The following TFPI variants were observed in gnomAD, a reference collection of about 807,000 sequenced individuals.
TFPI encodes the protein tissue factor pathway inhibitor, also known as anti-convertin.
In TFPI, 15 loss-of-function variants were observed where a neutral mutation model predicts 34.6. The observed-to-expected ratio is 0.43, with a 90% confidence interval of 0.29 to 0.67. The LOEUF (loss-of-function observed/expected upper bound fraction) is 0.67. Ranked by LOEUF, TFPI falls within the 30% of genes least tolerant of loss-of-function variation. The pLI is 0.15. For synonymous variants in TFPI, 105 were observed against 120.1 expected (o/e 0.87, Z 0.82); for missense variants, 301 against 364.0 (o/e 0.83, Z 1.41).
chr2:187,487,063 T>A (rs1693325064), intron 4 of TFPI, among the ~76,000 whole-genome samples: 1 of 151,618 alleles, frequency 6.6e-6, no homozygotes, highest in Non-Finnish European at 1.5e-5. Context: ...GAATTCTGAA[T>A]TATAAATATA....
At position 187,505,995 on chromosome 2, in the gene TFPI, T is replaced by A. The variant is rs568901806; in HGVS notation, c.-2-2225A>T. Among the ~76,000 whole-genome samples, 213 of 150,096 alleles carry A rather than the reference T, an allele frequency of 1.4e-3. 1 individual carries two copies. Among genetic ancestry groups the A allele is most frequent in the African/African-American group, 4.0e-3 (161 of 40,714 alleles). On this transcript the variant is annotated intron_variant, in intron 1 of 7. Coordinates refer to ENST00000233156, the MANE Select transcript of TFPI (RefSeq NM_006287.6). ...AAATAGTAGCGTATGTAATTTTTTT[T>A]TTAAAAAAAAGAAAAGCAAAAGGCA... is the stretch of plus-strand genomic sequence containing the variant.
intron 1 of TFPI, among the ~76,000 whole-genome samples, chr2:187,511,397 G>T (rs534664469): frequency 1.1e-4 from 17 of 152,220 alleles, no homozygotes; most frequent in Admixed American, 4.6e-4. Context: ...TTTGACTCTG[G>T]TTTGGTGTAA....
At chr2:187,469,636 G>C (rs192525835) in intron 6 of TFPI, among the ~76,000 whole-genome samples, 8 of 152,160 alleles carry the variant, frequency 5.3e-5, no homozygotes, top group Admixed American at 4.6e-4. Context: ...TTATATAACA[G>C]AAATCCCTAA....
intron 2 of TFPI, among the ~76,000 whole-genome samples, chr2:187,502,441 C>T (rs1685913728): frequency 6.6e-6 from 1 of 152,110 alleles, no homozygotes; most frequent in Admixed American, 6.6e-5. Context: ...TTCCTTGTTT[C>T]TGTAACCTCC....
At chr2:187,477,550 T>C (rs1460350585) in intron 6 of TFPI, among the ~76,000 whole-genome samples, 1 of 152,130 alleles carries the variant, frequency 6.6e-6, no homozygotes, top group Non-Finnish European at 1.5e-5. Flanking sequence ...CTTTAGCCGG[T>C]GAGGGAGAGT....
chr2:187,516,446 C>T (rs766848860), intron 1 of TFPI: 1 of 152,116 alleles, frequency 6.6e-6, no homozygotes, highest in Admixed American at 6.6e-5. Context: ...TGTTTGCTAC[C>T]TGTACTCCTT....
At chr2:187,493,592 A>G (rs8176601) in intron 3 of TFPI, among the ~76,000 whole-genome samples, 6,035 of 152,244 alleles carry the variant, frequency 0.04, 177 homozygotes, top group Admixed American at 0.091. Context: ...AATTTTCCAT[A>G]CTTTTATGCT....
chr2:187,495,076 C>T (rs1417908763), intron 3 of TFPI, among the ~76,000 whole-genome samples: 1 of 152,152 alleles, frequency 6.6e-6, no homozygotes. Flanking sequence ...GTTACATTTA[C>T]ATGCTAGCCA....
chr2:187,510,430 A>G (rs1037360167), intron 1 of TFPI, among the ~76,000 whole-genome samples: 3 of 152,106 alleles, frequency 2.0e-5, no homozygotes, highest in Admixed American at 1.3e-4. Context: ...AAAATAAAAA[A>G]CCCTGCCCAC....
At chr2:187,473,071 A>C (rs1692152722) in intron 6 of TFPI, among the ~76,000 whole-genome samples, 1 of 152,186 alleles carries the variant, frequency 6.6e-6, no homozygotes, top group Non-Finnish European at 1.5e-5. Context: ...TATAAGTTTC[A>C]TCATCATTAG....
At chr2:187,473,335 A>T (rs1355561537) in intron 6 of TFPI, among the ~76,000 whole-genome samples, 1 of 152,118 alleles carries the variant, frequency 6.6e-6, no homozygotes, top group Non-Finnish European at 1.5e-5. Context: ...AGATACTTTT[A>T]TGCTGAGCTT....
chr2:187,509,002 T>C (rs939011373), intron 1 of TFPI, among the ~76,000 whole-genome samples: 8 of 152,206 alleles, frequency 5.3e-5, no homozygotes, highest in Admixed American at 5.2e-4. Context: ...ATTTTTAGCA[T>C]GAAGAGGTGT....
At chr2:187,522,225 G>A (rs1311278417) in intron 1 of TFPI, among the ~76,000 whole-genome samples, 2 of 151,982 alleles carry the variant, frequency 1.3e-5, no homozygotes, top group African/African-American at 4.8e-5. Context: ...ATGTAATCTT[G>A]TCTATTTTTG....
At chr2:187,540,646 T>C (rs780610773) in intron 1 of TFPI, among the ~76,000 whole-genome samples, 3 of 151,948 alleles carry the variant, frequency 2.0e-5, no homozygotes, top group African/African-American at 7.2e-5. Context: ...TCCCAACGCT[T>C]TGGGAGGCCA....
rs999995774 is a variant in TFPI, at chr2:187,467,376, C to T, written c.809-334G>A. 4.6e-5 allele frequency among the ~76,000 whole-genome samples: 7 copies of T among 151,906 alleles called. No homozygotes were observed. The South Asian group carries it at 1.5e-3, about 32-fold the overall frequency. Reference sequence around the variant, plus strand: ...GATAGTTTTTATTTGCATTTTTATACTCTTCTTAGTCTTTTATAAACATGC... The same window carrying T: ...GATAGTTTTTATTTGCATTTTTATATTCTTCTTAGTCTTTTATAAACATGC... On this transcript the variant is annotated intron_variant, in intron 7 of 7. Coordinates refer to ENST00000233156, the MANE Select transcript of TFPI (RefSeq NM_006287.6).
chr2:187,539,680 G>A (rs1197282066), intron 1 of TFPI, among the ~76,000 whole-genome samples: 1 of 151,786 alleles, frequency 6.6e-6, no homozygotes, highest in Non-Finnish European at 1.5e-5. Flanking sequence ...TAGAGAGCTA[G>A]AAAAAAAATT....
intron 1 of TFPI, among the ~76,000 whole-genome samples, chr2:187,552,772 AG>A (rs1444490416): frequency 6.6e-6 from 1 of 152,138 alleles, no homozygotes; most frequent in Non-Finnish European, 1.5e-5. Context: ...ATCAAATAGT[AG>A]TATATGTCAT....
At chr2:187,472,462 A>G (rs1692100701) in intron 6 of TFPI, among the ~76,000 whole-genome samples, 1 of 152,172 alleles carries the variant, frequency 6.6e-6, no homozygotes, top group Admixed American at 6.5e-5. Flanking sequence ...TTTTCCACTG[A>G]AACTTTTCAC....
chr2:187,472,375 C>G (rs1019833468), intron 6 of TFPI, among the ~76,000 whole-genome samples: 6 of 152,120 alleles, frequency 3.9e-5, no homozygotes, highest in Admixed American at 1.3e-4. Context: ...GGTTCAGGTG[C>G]TTCCAGAGGA....
Sources: gnomAD v4.1 joint callset for allele counts (sites outside exome capture counted in the v4.1 genomes callset) on GRCh38, gnomAD v4.1.1 for gene constraint, MANE v1.5 for transcripts, NCBI Gene and HGNC (gene_info 2026-07-23, HGNC 2026-07-21) for gene names.